The following PDS5B variants were observed in gnomAD, a reference collection of about 807,000 sequenced individuals.
The protein encoded by PDS5B is sister chromatid cohesion protein PDS5 homolog B.
PDS5B carries 51 observed loss-of-function variants against 184.1 expected under a neutral mutation model. That is an observed-to-expected ratio of 0.28 (90% CI 0.22 to 0.35). The LOEUF (loss-of-function observed/expected upper bound fraction) is 0.35, where lower values mean the gene tolerates loss of function less well. PDS5B is among the 10% of genes least tolerant of loss of function. The probability of loss-of-function intolerance (pLI) is 1.00; values close to 1 mark genes in which losing one functional copy is unlikely to be tolerated. For synonymous variants in PDS5B, 566 were observed against 569.2 expected (o/e 0.99, Z 0.08); for missense variants, 1,180 against 1,723.3 (o/e 0.68, Z 5.58).
chr13:32,753,622 G>T, intron 25 of PDS5B, 86 bp downstream of exon 25: 2 of 790,396 alleles, frequency 2.5e-6, no homozygotes, highest in Non-Finnish European at 1.9e-6. Flanking sequence ...TGATATTACT[G>T]TTATTTATTA....
At chr13:32,596,935 G>A (rs1342790736) in intron 1 of PDS5B, among the ~76,000 whole-genome samples, 1 of 151,872 alleles carries the variant, frequency 6.6e-6, no homozygotes. Context: ...TTTGTAGCTT[G>A]CCTTATCTTT....
chr13:32,659,033 T>C (rs996041976), intron 5 of PDS5B, 121 bp from the exon 6 acceptor site: 16 of 543,484 alleles, frequency 2.9e-5, no homozygotes, highest in Non-Finnish European at 4.4e-5. Flanking sequence ...TGAATATACA[T>C]AGAATTTTAT....
chr13:32,631,385 G>A (rs1289783685), intron 1 of PDS5B, among the ~76,000 whole-genome samples: 1 of 152,088 alleles, frequency 6.6e-6, no homozygotes, highest in South Asian at 2.1e-4. Flanking sequence ...GAGCCGTGGC[G>A]CTCGGCCCCT....
intron 6 of PDS5B, among the ~76,000 whole-genome samples, chr13:32,663,220 A>C (rs1010715752): frequency 6.6e-6 from 1 of 152,122 alleles, no homozygotes; most frequent in Non-Finnish European, 1.5e-5. Context: ...TTAAGTGGCA[A>C]ATATTCCTAA....
intron 2 of PDS5B, among the ~76,000 whole-genome samples, chr13:32,651,055 TA>T (rs1489215297): frequency 6.6e-6 from 1 of 152,220 alleles, no homozygotes; most frequent in Non-Finnish European, 1.5e-5. Context: ...TCATTGTAAT[TA>T]CTAATATTGA....
intron 1 of PDS5B, among the ~76,000 whole-genome samples, chr13:32,588,554 C>CT (rs914522532): frequency 1.3e-5 from 2 of 151,942 alleles, no homozygotes; most frequent in Non-Finnish European, 2.9e-5. Flanking sequence ...GGCCTTTTTT[C>CT]TTTTTTTCTT....
chr13:32,750,380 T>C (rs1953927647), intron 24 of PDS5B, among the ~76,000 whole-genome samples: 2 of 152,318 alleles, frequency 1.3e-5, no homozygotes, highest in South Asian at 4.1e-4. Flanking sequence ...CAGTTTGTAA[T>C]TGGGTATTTT....
intron 1 of PDS5B, among the ~76,000 whole-genome samples, chr13:32,637,557 A>C (rs1432994344): frequency 6.6e-6 from 1 of 152,168 alleles, no homozygotes; most frequent in Non-Finnish European, 1.5e-5. Context: ...ATCTTTATGG[A>C]GTATGTATTA....
chr13:32,716,700 G>T (rs1280218582), intron 19 of PDS5B, among the ~76,000 whole-genome samples: 1 of 127,374 alleles, frequency 7.9e-6, no homozygotes, highest in Non-Finnish European at 1.7e-5. Flanking sequence ...CAGCTGCCCC[G>T]TTTGGGAGGT....
chr13:32,763,446 A>G (rs1470553673), intron 30 of PDS5B: 6 of 152,334 alleles, frequency 3.9e-5, no homozygotes, highest in Non-Finnish European at 5.9e-5. Flanking sequence ...TTTTAAGAGT[A>G]GTGAAATGCA....
intron 20 of PDS5B, among the ~76,000 whole-genome samples, chr13:32,733,007 A>G (rs1351170448): frequency 2.0e-5 from 3 of 152,178 alleles, no homozygotes; most frequent in Non-Finnish European, 4.4e-5. Context: ...GAAAAGTAGT[A>G]TATCCTCCAA....
intron 19 of PDS5B, among the ~76,000 whole-genome samples, chr13:32,717,461 A>T (rs1238833424): frequency 6.9e-6 from 1 of 145,052 alleles, no homozygotes; most frequent in Non-Finnish European, 1.5e-5. Flanking sequence ...GCGGTGCAAG[A>T]TGTGCTTTGT....
Position 32,693,081 on chromosome 13 carries a change from A to G in PDS5B, c.1470-1142A>G, listed in dbSNP as rs2140844615. 2.0e-5 allele frequency among the ~76,000 whole-genome samples: 3 copies of G among 152,124 alleles called. 1 individual carries two copies. Among genetic ancestry groups the G allele is most frequent in the Admixed American group, 2.0e-4 (3 of 15,266 alleles). On this transcript the variant is annotated intron_variant, in intron 13 of 34. Coordinates refer to ENST00000315596, the MANE Select transcript of PDS5B (RefSeq NM_015032.4). ...AGAGAATACATTGACTTTGGAGTTCAGAAGTAATTTTACAAATGACTACCC... is the reference window on the plus strand; with the variant it reads ...AGAGAATACATTGACTTTGGAGTTCGGAAGTAATTTTACAAATGACTACCC...
chr13:32,695,355 T>C (rs1951671813), intron 14 of PDS5B, among the ~76,000 whole-genome samples: 1 of 152,014 alleles, frequency 6.6e-6, no homozygotes, highest in Non-Finnish European at 1.5e-5. Flanking sequence ...AATAAATGAC[T>C]TAAAACTGAG....
At chr13:32,610,645 A>G (rs969159320) in intron 1 of PDS5B, among the ~76,000 whole-genome samples, 15 of 150,896 alleles carry the variant, frequency 9.9e-5, no homozygotes, top group Non-Finnish European at 1.8e-4. Context: ...TTAAAAATCT[A>G]ATTTTTTCCT....
intron 1 of PDS5B, among the ~76,000 whole-genome samples, chr13:32,606,794 C>T (rs969905551): frequency 1.3e-5 from 2 of 152,212 alleles, no homozygotes; most frequent in African/African-American, 4.8e-5. Flanking sequence ...AACTTCTCTT[C>T]TTGCTTCATT....
At chr13:32,640,217 T>TA (rs554486870) in intron 1 of PDS5B, among the ~76,000 whole-genome samples, 7 of 151,804 alleles carry the variant, frequency 4.6e-5, no homozygotes, top group East Asian at 1.9e-4. Flanking sequence ...ATTTGAACTT[T>TA]AAAAAAAAAC....
At chr13:32,665,510 A>G (rs768626526) in intron 6 of PDS5B, among the ~76,000 whole-genome samples, 16 of 137,954 alleles carry the variant, frequency 1.2e-4, no homozygotes, top group Non-Finnish European at 1.8e-4. Context: ...AATGGTGTGA[A>G]CCCGGGAGGC....
rs1246961027 is a variant in PDS5B, at chr13:32,678,819, T to C, written c.963-16T>C. The C allele has an allele frequency of 1.4e-6, 2 of 1,406,564 alleles. No homozygotes were observed. The highest frequency in any genetic ancestry group is 4.6e-5 in the East Asian group (2 of 43,848). 87.1% of individuals were successfully genotyped at this position (1,406,564 alleles called of 1,614,324 possible). ...TCTTATTTTGAAGCTCACTCTGTGC[T>C]TTTATATTTTATCAGGTTTAATGAT... On this transcript the variant is annotated splice_polypyrimidine_tract_variant and intron_variant, in intron 9 of 34. Transcript: ENST00000315596.
Sources: gnomAD v4.1 joint callset for allele counts (sites outside exome capture counted in the v4.1 genomes callset) on GRCh38, gnomAD v4.1.1 for gene constraint, MANE v1.5 for transcripts, NCBI Gene and HGNC (gene_info 2026-07-23, HGNC 2026-07-21) for gene names.